ROS1: variants seen among roughly 807,000 people sequenced by gnomAD.
ROS1 encodes the protein ROS proto-oncogene 1, receptor tyrosine kinase, also known as proto-oncogene tyrosine-protein kinase ROS.
ROS1 carries 263 observed loss-of-function variants against 273.5 expected under a neutral mutation model. That is an observed-to-expected ratio of 0.96 (90% CI 0.87 to 1.06). The LOEUF (loss-of-function observed/expected upper bound fraction) is 1.06. ROS1 is among the 50% of genes least tolerant of loss of function. The pLI, the probability that ROS1 is intolerant of heterozygous loss-of-function variation, is 0.00. For missense variants in ROS1, 2,833 were observed against 2,751.1 expected (o/e 1.03, Z -0.67); for synonymous variants, 1,008 against 954.1 (o/e 1.06, Z -1.04).
At chr6:117,412,385 G>T (rs935718662) in intron 4 of ROS1, among the ~76,000 whole-genome samples, 46 of 152,142 alleles carry the variant, frequency 3.0e-4, no homozygotes, top group African/African-American at 1.0e-3. Flanking sequence ...GATCTAATTT[G>T]TGTTTTAATT....
At chr6:117,382,311 A>G (rs1772220148) in intron 17 of ROS1, among the ~76,000 whole-genome samples, 1 of 152,086 alleles carries the variant, frequency 6.6e-6, no homozygotes, top group Non-Finnish European at 1.5e-5. Context: ...GGTCTCTTTA[A>G]ATATCCTAGG....
Position 117,394,174 on chromosome 6 carries a change from G to A in ROS1, c.1179C>T (p.Ile393=). Residue 393 remains isoleucine (I), a synonymous_variant, in exon 11 of 44, where the codon ATC becomes ATT. Coordinates refer to ENST00000368507, the MANE Select transcript of ROS1 (RefSeq NM_001378902.1). ...IDWLYQRMYF[I]MDELVCVCDL... ...TTCTCGGACTAACCAGTTCATCCATGATGAAATACATTCTTTGATAAAGCC... is the reference window on the plus strand; with the variant it reads ...TTCTCGGACTAACCAGTTCATCCATAATGAAATACATTCTTTGATAAAGCC... The A allele has an allele frequency of 6.3e-7, 1 of 1,588,412 alleles. No homozygotes were observed. The highest frequency in any genetic ancestry group is 8.6e-7 in the Non-Finnish European group (1 of 1,168,642).
intron 32 of ROS1, among the ~76,000 whole-genome samples, chr6:117,336,390 T>A (rs1432547553): frequency 6.6e-6 from 1 of 152,166 alleles, no homozygotes; most frequent in African/African-American, 2.4e-5. Context: ...TTCTCATTGT[T>A]CAGCTCCCAC....
At chr6:117,292,376 T>C (rs1402984933) in intron 43 of ROS1, among the ~76,000 whole-genome samples, 1 of 152,194 alleles carries the variant, frequency 6.6e-6, no homozygotes, top group African/African-American at 2.4e-5. Flanking sequence ...TGCAACCCTC[T>C]GGATTGCTTT....
chr6:117,376,596 G>A lies in ROS1; in HGVS notation c.2582+2463C>T, dbSNP rs180741619. Among the ~76,000 whole-genome samples, 25 of 151,920 alleles carry A rather than the reference G, an allele frequency of 1.6e-4. 1 individual carries two copies. The East Asian group carries it at 1.7e-3, about 11-fold the overall frequency. On this transcript the variant is annotated intron_variant, in intron 18 of 43. Transcript: ENST00000368507. ...TAAGATACAAAGTCATATACAAAAA[G>A]CAATTGTATTTTCCCACACTAGTAA...
At chr6:117,384,144 C>T (rs1772377160) in intron 16 of ROS1, among the ~76,000 whole-genome samples, 1 of 152,130 alleles carries the variant, frequency 6.6e-6, no homozygotes, top group Non-Finnish European at 1.5e-5. Context: ...TTTTTCAAAA[C>T]TATTTTTAAA....
At position 117,360,030 on chromosome 6, in the gene ROS1, G is replaced by A. The variant is rs781307284; in HGVS notation, c.3431-19C>T. ...TTGATTTCTGAAAGCAAAAAAACAT[G>A]TAGATAATATGCATGAGAAAACTGA... is the stretch of plus-strand genomic sequence containing the variant. On this transcript the variant is annotated intron_variant, in intron 23 of 43. Transcript: ENST00000368507. 28 of 1,594,404 alleles carry A rather than the reference G, an allele frequency of 1.8e-5. No individual in the cohort carries two copies. Among genetic ancestry groups the A allele is most frequent in the Non-Finnish European group, 9.5e-6 (11 of 1,163,500 alleles).
chr6:117,335,218 A>C (rs1334934722), intron 32 of ROS1, among the ~76,000 whole-genome samples: 1 of 152,184 alleles, frequency 6.6e-6, no homozygotes, highest in Non-Finnish European at 1.5e-5. Context: ...GGATTTATGC[A>C]GCCAATAAAC....
At chr6:117,316,498 T>C (rs1177024956) in intron 39 of ROS1, among the ~76,000 whole-genome samples, 1 of 152,146 alleles carries the variant, frequency 6.6e-6, no homozygotes, top group East Asian at 1.9e-4. Context: ...CTACAGGTAG[T>C]CACCCCCAGT....
At chr6:117,402,545 T>C (rs1272425966) in intron 7 of ROS1, among the ~76,000 whole-genome samples, 20 of 152,170 alleles carry the variant, frequency 1.3e-4, no homozygotes, top group Admixed American at 1.3e-3. Flanking sequence ...ACTTACAATA[T>C]ACTTTATTTA....
At chr6:117,310,943 TTG>T in intron 40 of ROS1, 75 bp downstream of exon 40, 1 of 821,222 alleles carries the variant, frequency 1.2e-6, no homozygotes, top group Non-Finnish European at 2.0e-6. Context: ...TTTAATTATC[TTG>T]TGTGCTTTAC....
Position 117,416,264 on chromosome 6 carries a change from T to A in ROS1, c.222A>T (p.Leu74Phe). The A allele has an allele frequency of 6.3e-7, 1 of 1,579,864 alleles. No individual in the cohort carries two copies. The highest frequency in any genetic ancestry group is 8.7e-7 in the Non-Finnish European group (1 of 1,148,996). ...AAATCTAATTAATACTTACACACTT[T>A]AAAGCACAGTTTTTCTGATCTACAG... ...WNSVDQKNCA[L>F]KCNDTYATVC... Residue 74 changes from leucine (L) to phenylalanine (F), a missense_variant, in exon 3 of 44, where the codon TTA becomes TTT. Transcript: ENST00000368507.
At chr6:117,322,126 CA>C (rs1446495577) in intron 35 of ROS1, among the ~76,000 whole-genome samples, 1 of 152,000 alleles carries the variant, frequency 6.6e-6, no homozygotes, top group Non-Finnish European at 1.5e-5. Context: ...GAGAGATGAT[CA>C]TTAAAATTTG....
At chr6:117,328,531 T>C (rs781390411) in intron 33 of ROS1, 5 of 396,288 alleles carry the variant, frequency 1.3e-5, no homozygotes, top group Non-Finnish European at 2.4e-5. Flanking sequence ...AACAGGAACA[T>C]TTTTTAAGGT....
rs551575612 is a variant in ROS1 at position 117,331,477 on chromosome 6, G to A, written c.5231-2031C>T. On this transcript the variant is annotated intron_variant, in intron 32 of 43. Coordinates refer to ENST00000368507, the MANE Select transcript of ROS1 (RefSeq NM_001378902.1). ...GCAAGACAGGCCAACATGCAAATTC[G>A]GCAAACACAGAGAACACCATTAAGA... Among the ~76,000 whole-genome samples the A allele has an allele frequency of 3.3e-5, 5 of 152,004 alleles. No homozygotes were observed. The South Asian group carries it at 6.2e-4, about 19-fold the overall frequency.
At chr6:117,315,601 A>G (rs982180143) in intron 39 of ROS1, among the ~76,000 whole-genome samples, 3 of 152,140 alleles carry the variant, frequency 2.0e-5, no homozygotes, top group African/African-American at 7.2e-5. Context: ...TAAAAGTCCA[A>G]CCAAATTATC....
chr6:117,317,926 C>T (rs191782323), intron 38 of ROS1, among the ~76,000 whole-genome samples: 106 of 152,254 alleles, frequency 7.0e-4, no homozygotes, highest in African/African-American at 2.4e-3. Flanking sequence ...AAAAGCCAAA[C>T]AGCTTCAGAA....
At chr6:117,363,265 AG>A (rs1184104488) in intron 21 of ROS1, among the ~76,000 whole-genome samples, 2 of 152,184 alleles carry the variant, frequency 1.3e-5, no homozygotes, top group Non-Finnish European at 2.9e-5. Context: ...GATGGCAGTA[AG>A]TCCCACCAGC....
At chr6:117,366,631 A>G (rs1238823519) in intron 18 of ROS1, among the ~76,000 whole-genome samples, 1 of 151,842 alleles carries the variant, frequency 6.6e-6, no homozygotes, top group Non-Finnish European at 1.5e-5. Context: ...CTCCTGTTTC[A>G]CCCTCCCAAG....
Sources: gnomAD v4.1 joint callset for allele counts (sites outside exome capture counted in the v4.1 genomes callset) on GRCh38, gnomAD v4.1.1 for gene constraint, MANE v1.5 for transcripts, NCBI Gene and HGNC (gene_info 2026-07-23, HGNC 2026-07-21) for gene names.